GPM6A: variants seen among roughly 807,000 people sequenced by gnomAD.
GPM6A encodes neuronal membrane glycoprotein M6-a.
Under a neutral mutation model 32.1 loss-of-function variants are expected in GPM6A, and 7 were observed. The ratio of observed to expected loss-of-function variants is 0.22; its 90% CI spans 0.12 to 0.41. GPM6A has a LOEUF of 0.41. GPM6A is among the 10% of genes least tolerant of loss of function. The pLI is 1.00. For missense variants in GPM6A, 235 were observed against 347.2 expected (o/e 0.68, Z 2.57); for synonymous variants, 130 against 123.4 (o/e 1.05, Z -0.35).
intron 1 of GPM6A, among the ~76,000 whole-genome samples, chr4:175,769,853 TC>T (rs1161000297): frequency 1.3e-5 from 2 of 152,214 alleles, no homozygotes; most frequent in African/African-American, 4.8e-5. Context: ...TTAAGACTAA[TC>T]ATAGATAGTC....
chr4:175,806,440 T>C (rs1216129695), intron 1 of GPM6A, among the ~76,000 whole-genome samples: 1 of 152,220 alleles, frequency 6.6e-6, no homozygotes, highest in African/African-American at 2.4e-5. Flanking sequence ...TTTAATGACA[T>C]TGTGAAAAAT....
At chr4:175,885,998 A>AC (rs36097895) in intron 1 of GPM6A, among the ~76,000 whole-genome samples, 5,220 of 152,246 alleles carry the variant, frequency 0.034, 268 homozygotes, top group African/African-American at 0.12. Flanking sequence ...AACGTAAAAT[A>AC]AAAAACAGCA....
chr4:175,838,102 CACACACACAG>C (rs1183282132), intron 1 of GPM6A, among the ~76,000 whole-genome samples: 2 of 81,954 alleles, frequency 2.4e-5, no homozygotes, highest in African/African-American at 4.8e-5. Flanking sequence ...CACACACACA[CACACACACAG>C]ACACACACAC....
intron 2 of GPM6A, among the ~76,000 whole-genome samples, chr4:175,679,559 T>G (rs143164269): frequency 8.5e-4 from 129 of 152,286 alleles, no homozygotes; most frequent in Non-Finnish European, 1.6e-3. Context: ...CATCCAATGA[T>G]GAGTATTGCC....
At chr4:175,853,912 A>C (rs1056315186) in intron 1 of GPM6A, among the ~76,000 whole-genome samples, 1 of 152,192 alleles carries the variant, frequency 6.6e-6, no homozygotes, top group African/African-American at 2.4e-5. Flanking sequence ...ATTGTTCCAC[A>C]TTAATTTGAA....
chr4:175,982,238 A>G (rs1000917802), intron 1 of GPM6A, among the ~76,000 whole-genome samples: 2 of 152,166 alleles, frequency 1.3e-5, no homozygotes, highest in Non-Finnish European at 2.9e-5. Context: ...GACACAAAAT[A>G]AGTGTCTTCC....
At chr4:175,971,438 T>C (rs1251137441) in intron 1 of GPM6A, among the ~76,000 whole-genome samples, 1 of 152,160 alleles carries the variant, frequency 6.6e-6, no homozygotes, top group Non-Finnish European at 1.5e-5. Context: ...GTGCACGTAA[T>C]TTTCTTTAAA....
At chr4:175,889,720 G>A (rs1485780662) in intron 1 of GPM6A, among the ~76,000 whole-genome samples, 1 of 151,988 alleles carries the variant, frequency 6.6e-6, no homozygotes, top group Admixed American at 6.6e-5. Flanking sequence ...GGCTGAGGCA[G>A]GAGAATGGCG....
At chr4:175,879,758 T>C (rs1737209280) in intron 1 of GPM6A, among the ~76,000 whole-genome samples, 1 of 152,170 alleles carries the variant, frequency 6.6e-6, no homozygotes, top group Admixed American at 6.6e-5. Context: ...TATTATGTAG[T>C]AGACATGGAT....
chr4:175,969,069 T>C (rs970394565), intron 1 of GPM6A, among the ~76,000 whole-genome samples: 9 of 152,166 alleles, frequency 5.9e-5, no homozygotes, highest in Non-Finnish European at 1.2e-4. Flanking sequence ...CAATGTAATG[T>C]TTTACAACAA....
At chr4:175,854,067 C>G (rs1019133754) in intron 1 of GPM6A, among the ~76,000 whole-genome samples, 1 of 152,088 alleles carries the variant, frequency 6.6e-6, no homozygotes, top group Non-Finnish European at 1.5e-5. Flanking sequence ...GGCAGGTAAA[C>G]TGAAATTTTT....
intron 1 of GPM6A, among the ~76,000 whole-genome samples, chr4:175,836,944 G>A (rs1023869150): frequency 6.6e-6 from 1 of 152,176 alleles, no homozygotes; most frequent in Non-Finnish European, 1.5e-5. Context: ...CACAGAACAT[G>A]TAAATATATT....
chr4:175,786,931 G>T (rs1054855107), intron 1 of GPM6A: 6 of 161,670 alleles, frequency 3.7e-5, no homozygotes, highest in African/African-American at 1.4e-4. Context: ...TAAAGAGAAA[G>T]AAAAATATCT....
At chr4:175,813,150 A>G (rs1251278824), upstream of GPM6A, 1 of 820,488 alleles carries the variant, frequency 1.2e-6, no homozygotes, top group East Asian at 1.2e-4. Flanking sequence ...ATTATAGCCC[A>G]CGAAAGCTGC....
At chr4:175,909,042 C>CA (rs144415625) in intron 1 of GPM6A, among the ~76,000 whole-genome samples, 2 of 56,664 alleles carry the variant, frequency 3.5e-5, no homozygotes, top group Non-Finnish European at 6.3e-5. Flanking sequence ...AAAAAAAGGG[C>CA]GGGGGGGGGG....
chr4:175,788,242 G>A (rs1267991830), intron 1 of GPM6A, among the ~76,000 whole-genome samples: 1 of 152,084 alleles, frequency 6.6e-6, no homozygotes, highest in African/African-American at 2.4e-5. Flanking sequence ...AAGGAGAAAC[G>A]TCTGAAAATA....
intron 1 of GPM6A, among the ~76,000 whole-genome samples, chr4:175,984,806 G>A (rs1170994123): frequency 6.6e-6 from 1 of 152,058 alleles, no homozygotes; most frequent in African/African-American, 2.4e-5. Context: ...ATATGTGTGA[G>A]GCAGTAAAAT....
At chr4:175,834,379 T>C (rs1579552362) in intron 1 of GPM6A, among the ~76,000 whole-genome samples, 1 of 152,164 alleles carries the variant, frequency 6.6e-6, no homozygotes, top group African/African-American at 2.4e-5. Context: ...GCATGGGTGG[T>C]TACAAAATCT....
At chr4:175,711,619 T>C (rs1191574210) in intron 1 of GPM6A, among the ~76,000 whole-genome samples, 2 of 149,930 alleles carry the variant, frequency 1.3e-5, no homozygotes, top group African/African-American at 4.9e-5. Context: ...AAAATAGGAA[T>C]TTGAGACAGC....
Sources: allele counts gnomAD v4.1 joint callset (sites outside exome capture counted in the v4.1 genomes callset), GRCh38; gene constraint gnomAD v4.1.1; transcripts MANE v1.5; gene names NCBI Gene and HGNC (gene_info 2026-07-23, HGNC 2026-07-21).